ATP7A: variants seen among roughly 807,000 people sequenced by gnomAD.
The protein encoded by ATP7A is copper-transporting ATPase 1.
In ATP7A, 7 loss-of-function variants were observed where a neutral mutation model predicts 83.5. The ratio of observed to expected loss-of-function variants is 0.08; its 90% CI spans 0.05 to 0.16. ATP7A has a LOEUF of 0.16. Among genes scored for constraint, ATP7A ranks in the 10% least tolerant of loss-of-function variants. ATP7A has a pLI of 1.00. For missense variants in ATP7A, 940 were observed against 1,120.8 expected, an observed-to-expected ratio of 0.84 and a Z score of 2.30; for synonymous variants, 354 against 395.2, an observed-to-expected ratio of 0.90 and a Z score of 1.24.
At chrX:77,920,166 C>T (rs1269677963) in intron 1 of ATP7A, among the ~76,000 whole-genome samples, 2 of 110,311 alleles carry the variant, frequency 1.8e-5, no homozygotes, top group African/African-American at 6.6e-5. Context: ...ACTCCCTCCC[C>T]ACCCAGTAGT....
chrX:77,988,842 T>C (rs1020371870), intron 3 of ATP7A, 111 bp downstream of exon 3: 29 of 950,093 alleles, frequency 3.1e-5, no homozygotes, highest in Non-Finnish European at 4.3e-5. Flanking sequence ...CTAGAGTGCT[T>C]GCTGTATCAT....
intron 2 of ATP7A, among the ~76,000 whole-genome samples, chrX:77,987,833 AT>A (rs1557231521): frequency 9.0e-6 from 1 of 111,695 alleles, no homozygotes; most frequent in Non-Finnish European, 1.9e-5. Flanking sequence ...ACATTTTAAA[AT>A]ATTAAACTTC....
intron 1 of ATP7A, chrX:77,969,025 A>T (rs782190796): frequency 8.3e-7 from 1 of 1,210,079 alleles, no homozygotes; most frequent in Admixed American, 2.2e-5. Flanking sequence ...CAGCTCCATG[A>T]TAGCCTCTTC....
intron 1 of ATP7A, among the ~76,000 whole-genome samples, chrX:77,950,742 G>C (rs782218535): frequency 9.0e-6 from 1 of 110,851 alleles, no homozygotes; most frequent in African/African-American, 3.3e-5. Flanking sequence ...AAAAAATGTC[G>C]TCCAGGCGCA....
chrX:77,921,629 GCAGTGCCTCACGC>G (rs1490500150), intron 1 of ATP7A, among the ~76,000 whole-genome samples: 1 of 112,302 alleles, frequency 8.9e-6, no homozygotes, highest in Non-Finnish European at 1.9e-5. Context: ...TAGGCCAGGT[GCAGTGCCTCACGC>G]CTGTAATCCC....
At chrX:78,026,756 T>A (rs1274220031) in intron 14 of ATP7A, among the ~76,000 whole-genome samples, 1 of 111,379 alleles carries the variant, frequency 9.0e-6, no homozygotes, top group Non-Finnish European at 1.9e-5. Context: ...TCCAGTGGAA[T>A]AAAATTAGAA....
chrX:77,932,314 G>A (rs2077290323), intron 1 of ATP7A, among the ~76,000 whole-genome samples: 1 of 109,687 alleles, frequency 9.1e-6, no homozygotes. Context: ...ATGGGCGGCC[G>A]GGCAGAGACG....
In ATP7A at chrX:77,993,069, A is replaced by G. The variant is rs1359688499; in HGVS notation, c.1336+3111A>G. Reference sequence around the variant, plus strand: ...GATTATGTTGTCAATAATGAGCACCACATAAATTAGTTATATCAGTATCAC... The same window carrying G: ...GATTATGTTGTCAATAATGAGCACCGCATAAATTAGTTATATCAGTATCAC... On this transcript the variant is annotated intron_variant, in intron 4 of 22. Transcript: ENST00000341514. Among the ~76,000 whole-genome samples the G allele has an allele frequency of 6.2e-5, 7 of 112,580 alleles. No individual in the cohort carries two copies. In the Admixed American group the frequency reaches 6.6e-4, roughly 11 times the overall value.
At chrX:77,966,055 T>C (rs1603377649) in intron 1 of ATP7A, among the ~76,000 whole-genome samples, 1 of 112,117 alleles carries the variant, frequency 8.9e-6, no homozygotes, top group African/African-American at 3.2e-5. Context: ...GTGATGAAAA[T>C]GTTCTGAAAT....
Position 77,956,726 on chromosome X carries a change from C to CCTTCCTTTCTTT in ATP7A, c.-21-14892_-21-14891insCCTTTCTTTCTT, listed in dbSNP as rs1557227392. 4.6e-4 allele frequency among the ~76,000 whole-genome samples: 34 copies of CCTTCCTTTCTTT among 73,777 alleles called. 2 individuals are homozygous for CCTTCCTTTCTTT. The South Asian group carries it at 7.6e-3, about 16-fold the overall frequency. The allele number at this position is 73,777 out of a possible 115,157, so 64.1% of individuals were successfully genotyped here. ...TTTTTCTTTATCAATTACCCAGTCT[C>CCTTCCTTTCTTT]CTTTCTTTCTTTCTTTCTTTCTTTC... On this transcript the variant is annotated intron_variant, in intron 1 of 22. Transcript: ENST00000341514.
At chrX:77,992,346 A>C (rs2077674880) in intron 4 of ATP7A, among the ~76,000 whole-genome samples, 1 of 110,636 alleles carries the variant, frequency 9.0e-6, no homozygotes, top group Admixed American at 9.7e-5. Context: ...TACAGGCGTG[A>C]GCCACCATGC....
intron 4 of ATP7A, among the ~76,000 whole-genome samples, chrX:77,991,712 A>AT (rs2077670511): frequency 9.0e-6 from 1 of 110,939 alleles, no homozygotes; most frequent in African/African-American, 3.3e-5. Flanking sequence ...GAAAATCTCA[A>AT]TTTTTTGAGA....
intron 6 of ATP7A, among the ~76,000 whole-genome samples, chrX:78,003,597 A>T (rs2077754310): frequency 9.0e-6 from 1 of 110,872 alleles, no homozygotes; most frequent in Non-Finnish European, 1.9e-5. Flanking sequence ...TAAAGTGATC[A>T]CTTTCTCCAA....
intron 1 of ATP7A, among the ~76,000 whole-genome samples, chrX:77,934,228 A>G: frequency 9.0e-6 from 1 of 110,853 alleles, no homozygotes; most frequent in East Asian, 2.8e-4. Context: ...AGCCTGGGCA[A>G]CATAGCAAGA....
chrX:77,957,659 T>G lies in ATP7A; in HGVS notation c.-21-13962T>G, dbSNP rs782741692. On this transcript the variant is annotated intron_variant, in intron 1 of 22. Transcript: ENST00000341514. Reference sequence around the variant, plus strand: ...TTTTATGTAATCTCATTTGTCTACTTTTGCTTTTGTTGTCTGTGCTTTTGA... The same window carrying G: ...TTTTATGTAATCTCATTTGTCTACTGTTGCTTTTGTTGTCTGTGCTTTTGA... Among the ~76,000 whole-genome samples the G allele has an allele frequency of 4.5e-5, 5 of 110,982 alleles. No individual in the cohort carries two copies. The Admixed American group carries it at 4.8e-4, about 11-fold the overall frequency.
In ATP7A at chrX:78,002,039, A is replaced by T. The variant is rs187063826; in HGVS notation, c.1544-1034A>T. Among the ~76,000 whole-genome samples, 12 of 108,676 alleles carry T rather than the reference A, an allele frequency of 1.1e-4. No homozygotes were observed. The East Asian group carries it at 3.4e-3, about 31-fold the overall frequency. 94.4% of individuals were successfully genotyped at this position (108,676 alleles called of 115,157 possible). On this transcript the variant is annotated intron_variant, in intron 5 of 22. Coordinates refer to ENST00000341514, the MANE Select transcript of ATP7A (RefSeq NM_000052.7). ...GTATATTATTGGATTCTTTGCTACAATTATGATTTCATAAGTGCATGAGTT... is the reference window on the plus strand; with the variant it reads ...GTATATTATTGGATTCTTTGCTACATTTATGATTTCATAAGTGCATGAGTT...
chrX:78,022,766 C>T (rs781835793), intron 14 of ATP7A, among the ~76,000 whole-genome samples: 1 of 110,238 alleles, frequency 9.1e-6, no homozygotes, highest in South Asian at 3.9e-4. Context: ...GATCCACCTG[C>T]CTCGGCCTCC....
intron 17 of ATP7A, among the ~76,000 whole-genome samples, chrX:78,035,401 T>C (rs1055124233): frequency 4.7e-4 from 53 of 112,089 alleles, no homozygotes; most frequent in African/African-American, 1.7e-3. Flanking sequence ...TACAGTGTTT[T>C]ATAAGCTGTT....
chrX:78,018,237 G>A (rs897096973), intron 12 of ATP7A, among the ~76,000 whole-genome samples: 4 of 107,699 alleles, frequency 3.7e-5, no homozygotes, highest in Non-Finnish European at 5.8e-5. Context: ...GGGCGCAGTG[G>A]CTCATGCCTG....
Sources: allele counts gnomAD v4.1 joint callset (sites outside exome capture counted in the v4.1 genomes callset), GRCh38; gene constraint gnomAD v4.1.1; transcripts MANE v1.5; gene names NCBI Gene and HGNC (gene_info 2026-07-23, HGNC 2026-07-21).